The following MAD1L1 variants were observed in gnomAD, a reference collection of about 807,000 sequenced individuals.
MAD1L1 encodes the protein mitotic spindle assembly checkpoint protein MAD1.
A neutral mutation model predicts 96.9 loss-of-function variants in MAD1L1; 95 were observed. The ratio of observed to expected loss-of-function variants is 0.98; its 90% CI spans 0.83 to 1.16. MAD1L1 has a LOEUF of 1.16. MAD1L1 is among the 50% of genes most tolerant of loss of function. The probability of loss-of-function intolerance (pLI) is 0.00; values close to 1 mark genes in which losing one functional copy is unlikely to be tolerated. For missense variants in MAD1L1, 1,007 were observed against 954.4 expected (o/e 1.06, Z -0.73); for synonymous variants, 473 against 396.6 (o/e 1.19, Z -2.29).
Position 1,913,022 on chromosome 7 carries a change from C to T in MAD1L1, c.1808-14632G>A, listed in dbSNP as rs115940946. Among the ~76,000 whole-genome samples, 936 of 152,316 alleles carry T rather than the reference C, an allele frequency of 6.1e-3. 12 individuals are homozygous for T. Among genetic ancestry groups the T allele is most frequent in the African/African-American group, 0.022 (895 of 41,564 alleles). ...GAGCCCCCTCTGAGAAGAGGGAAGC[C>T]TTTCCAGAGCTCATCTTTTATTGAC... On this transcript the variant is annotated intron_variant, in intron 17 of 18. Transcript: ENST00000265854.
At chr7:1,888,031 G>C (rs551093522) in intron 18 of MAD1L1, among the ~76,000 whole-genome samples, 4 of 151,050 alleles carry the variant, frequency 2.6e-5, no homozygotes, top group African/African-American at 9.8e-5. Context: ...GCATGCGTGA[G>C]ACTGAGCATG....
At chr7:2,201,608 T>C (rs1792304112) in intron 10 of MAD1L1, among the ~76,000 whole-genome samples, 1 of 152,176 alleles carries the variant, frequency 6.6e-6, no homozygotes, top group Admixed American at 6.5e-5. Context: ...AAGAGACCTA[T>C]AAGTAGAAGA....
chr7:1,830,545 G>A (rs1782652886), intron 18 of MAD1L1, among the ~76,000 whole-genome samples: 1 of 152,250 alleles, frequency 6.6e-6, no homozygotes, highest in South Asian at 2.1e-4. Flanking sequence ...TTCAAAGATA[G>A]CTGACTAAAC....
At chr7:2,187,184 C>T (rs1268396530) in intron 10 of MAD1L1, among the ~76,000 whole-genome samples, 2 of 151,820 alleles carry the variant, frequency 1.3e-5, no homozygotes, top group East Asian at 3.9e-4. Context: ...CTCATCTCTA[C>T]CAAAAAATAC....
At chr7:2,011,563 C>T (rs940991843) in intron 13 of MAD1L1, among the ~76,000 whole-genome samples, 10 of 152,202 alleles carry the variant, frequency 6.6e-5, no homozygotes, top group African/African-American at 2.4e-4. Flanking sequence ...AGGGCACAGG[C>T]TCCGCAGGTG....
intron 3 of MAD1L1, among the ~76,000 whole-genome samples, chr7:2,228,324 C>T (rs1450471337): frequency 6.6e-6 from 1 of 152,164 alleles, no homozygotes; most frequent in Non-Finnish European, 1.5e-5. Flanking sequence ...TGCAGTGGCG[C>T]GATGGCTCAC....
At chr7:2,173,362 G>T (rs566235472) in intron 10 of MAD1L1, among the ~76,000 whole-genome samples, 8 of 152,110 alleles carry the variant, frequency 5.3e-5, no homozygotes, top group Middle Eastern at 3.2e-3. Context: ...GTCTGGCTGA[G>T]CCCCGCGTCT....
At chr7:2,188,677 T>C (rs1338874706) in intron 10 of MAD1L1, among the ~76,000 whole-genome samples, 1 of 152,026 alleles carries the variant, frequency 6.6e-6, no homozygotes, top group East Asian at 1.9e-4. Context: ...ACACAAAAAA[T>C]TAACCCAAAA....
At chr7:1,923,608 A>G (rs1379986110) in intron 17 of MAD1L1, among the ~76,000 whole-genome samples, 18 of 152,272 alleles carry the variant, frequency 1.2e-4, no homozygotes, top group Non-Finnish European at 1.5e-4. Flanking sequence ...TGCGTGGGGC[A>G]TGTCCTGCCC....
chr7:1,853,887 C>T (rs1477873583), intron 18 of MAD1L1, among the ~76,000 whole-genome samples: 4 of 152,184 alleles, frequency 2.6e-5, no homozygotes, highest in Non-Finnish European at 2.9e-5. Context: ...GGTGGACTCT[C>T]GGCCCTGTTA....
chr7:2,153,324 G>C (rs1169289771), intron 10 of MAD1L1, among the ~76,000 whole-genome samples: 2 of 151,940 alleles, frequency 1.3e-5, no homozygotes, highest in Non-Finnish European at 2.9e-5. Context: ...CAACTCAAAA[G>C]AAACTCAAAT....
intron 18 of MAD1L1, among the ~76,000 whole-genome samples, chr7:1,867,490 A>G (rs1205832968): frequency 2.0e-5 from 3 of 152,224 alleles, no homozygotes; most frequent in Admixed American, 6.5e-5. Flanking sequence ...TGCTCGCCCA[A>G]TCTTCTGCAG....
intron 10 of MAD1L1, among the ~76,000 whole-genome samples, chr7:2,190,121 A>T (rs1204268428): frequency 1.3e-5 from 2 of 152,258 alleles, no homozygotes. Flanking sequence ...TCTTACAAAG[A>T]AAAAGCTGGA....
chr7:1,982,057 T>C (rs904336581), intron 14 of MAD1L1, among the ~76,000 whole-genome samples: 1 of 152,142 alleles, frequency 6.6e-6, no homozygotes, highest in Non-Finnish European at 1.5e-5. Context: ...TGAGCATATG[T>C]TCCTTCCGGA....
chr7:2,067,228 G>A (rs1195271602), intron 12 of MAD1L1, among the ~76,000 whole-genome samples: 24 of 150,464 alleles, frequency 1.6e-4, no homozygotes, highest in Non-Finnish European at 8.9e-5. Context: ...CATGTTCGCA[G>A]GCACCCGGGG....
intron 2 of MAD1L1, 114 bp from the exon 3 acceptor site, chr7:2,230,257 A>C: frequency 1.4e-6 from 1 of 730,802 alleles, no homozygotes; most frequent in Non-Finnish European, 2.2e-6. Flanking sequence ...TGGAGCTCAT[A>C]ATACACCCAT....
chr7:2,055,986 A>T (rs2128520353), intron 12 of MAD1L1, among the ~76,000 whole-genome samples: 1 of 152,330 alleles, frequency 6.6e-6, no homozygotes, highest in Middle Eastern at 3.4e-3. Flanking sequence ...CTCAAAAATA[A>T]ATAAATAAAT....
At chr7:2,161,063 T>G (rs62443026) in intron 10 of MAD1L1, among the ~76,000 whole-genome samples, 20,546 of 100,746 alleles carry the variant, frequency 0.2, 1,712 homozygotes, top group Middle Eastern at 0.37. Flanking sequence ...AATATATCAC[T>G]GCAAGGTTTC....
chr7:2,191,937 G>A (rs1412245904), intron 10 of MAD1L1, among the ~76,000 whole-genome samples: 12 of 151,720 alleles, frequency 7.9e-5, no homozygotes, highest in East Asian at 1.9e-4. Context: ...AGGCTGAGGC[G>A]GAAGAATTGC....
Sources: gnomAD v4.1 joint callset for allele counts (sites outside exome capture counted in the v4.1 genomes callset) on GRCh38, gnomAD v4.1.1 for gene constraint, MANE v1.5 for transcripts, NCBI Gene and HGNC (gene_info 2026-07-23, HGNC 2026-07-21) for gene names.